Variants in PCK2 observed in about 807,000 individuals in gnomAD.
PCK2 encodes phosphoenolpyruvate carboxykinase 2, mitochondrial.
In PCK2, 56 loss-of-function variants were observed where a neutral mutation model predicts 65.9. The observed-to-expected ratio is 0.85, with a 90% CI of 0.69 to 1.06. The LOEUF (loss-of-function observed/expected upper bound fraction) is 1.06. PCK2 is among the 50% of genes least tolerant of loss of function. PCK2 has a pLI of 0.00. For missense variants in PCK2, 843 were observed against 863.1 expected (o/e 0.98, Z 0.29); for synonymous variants, 305 against 319.6 (o/e 0.95, Z 0.49).
chr14:24,101,747 C>T (rs185014915), intron 7 of PCK2, among the ~76,000 whole-genome samples: 1 of 152,082 alleles, frequency 6.6e-6, no homozygotes, highest in African/African-American at 2.4e-5. Context: ...CATGGCAAAA[C>T]CCCGTCTCCA....
chr14:24,099,506 T>C (rs768537603), intron 5 of PCK2, 52 bp from the exon 6 acceptor site: 69 of 1,518,166 alleles, frequency 4.5e-5, no homozygotes, highest in Middle Eastern at 3.5e-4. Flanking sequence ...ATGCAGACCA[T>C]GCCCTGACTT....
intron 9 of PCK2, 44 bp from the exon 10 acceptor site, chr14:24,103,466 C>CTG (rs778668250): frequency 1.3e-6 from 2 of 1,482,602 alleles, no homozygotes; most frequent in Non-Finnish European, 1.8e-6. Flanking sequence ...CTTCCCTACC[C>CTG]CAGTGAGAAG....
Position 24,096,910 on chromosome 14 carries a change from G to A in PCK2, c.48G>A (p.Leu16=). 6.2e-7 allele frequency: 1 copy of A among 1,613,284 alleles called. No homozygotes were observed. The highest frequency in any genetic ancestry group is 8.5e-7 in the Non-Finnish European group (1 of 1,179,614). Residue 16 remains leucine, a synonymous_variant, in exon 2 of 10, where the codon CTG becomes CTA. Transcript: ENST00000216780. ...RPGLRLNWHG[L]SPLGWPSCRS... is the part of the protein sequence containing the mutation. ...CCTATAGGCTTAACTGGCATGGGCT[G>A]AGCCCCTTGGGCTGGCCATCATGCC... is the stretch of plus-strand genomic sequence containing the variant.
At chr14:24,101,322 G>A (rs887597662) in intron 7 of PCK2, among the ~76,000 whole-genome samples, 11 of 152,164 alleles carry the variant, frequency 7.2e-5, no homozygotes, top group Non-Finnish European at 1.2e-4. Flanking sequence ...CTGCAATGGC[G>A]GGCAGAAGCT....
In PCK2 at chr14:24,098,519, T is replaced by TA; in HGVS notation, c.505_506insA (p.Ser169TyrfsTer12). On this transcript the variant is annotated frameshift_variant, in exon 4 of 10. Transcript: ENST00000216780. LOFTEE classifies it high-confidence loss of function. ...TCCATTCAGCATGGGTCCTGTGGGC[T>TA]CCCCGCTGTCCCGCATCGGGGTGCA... is the stretch of plus-strand genomic sequence containing the variant. 6.2e-7 allele frequency: 1 copy of TA among 1,614,142 alleles called. No individual in the cohort carries two copies. The highest frequency in any genetic ancestry group is 8.5e-7 in the Non-Finnish European group (1 of 1,179,998).
At chr14:24,102,135 G>A (rs1258367420) in intron 7 of PCK2, among the ~76,000 whole-genome samples, 2 of 152,182 alleles carry the variant, frequency 1.3e-5, no homozygotes, top group Non-Finnish European at 2.9e-5. Context: ...GGCTGAGGTA[G>A]GAGAATTGTT....
rs1350287888 is a variant in PCK2, at chr14:24,098,588, A to T, written c.574A>T (p.Thr192Ser). ...AYVVASMRIM[T>S]RLGTPVLQAL... ...TGTGGTGGCAAGCATGCGTATTATGACCCGACTGGGGACACCTGTGCTTCA... is the reference window on the plus strand; with the variant it reads ...TGTGGTGGCAAGCATGCGTATTATGTCCCGACTGGGGACACCTGTGCTTCA... The change falls in exon 4 of 10, where the codon ACC becomes TCC. Residue 192 changes from threonine (T) to serine (S), a missense_variant. Thr to Ser is a moderately conservative substitution (Grantham distance 58). Coordinates refer to ENST00000216780, the MANE Select transcript of PCK2 (RefSeq NM_004563.4). 1 of 1,614,044 alleles carries T rather than the reference A, an allele frequency of 6.2e-7. No homozygotes were observed. Among genetic ancestry groups the T allele is most frequent in the African/African-American group, 1.3e-5 (1 of 75,024 alleles).
Position 24,098,467 on chromosome 14 carries a change from C to T in PCK2, c.461-8C>T. ...AACCCTTCATCCAGGGGATGCCTTC[C>T]TCCACAGGCCGCACCATGTATGTGC... On this transcript the variant is annotated splice_region_variant and splice_polypyrimidine_tract_variant and intron_variant, in intron 3 of 9. Transcript: ENST00000216780. 1 of 1,613,904 alleles carries T rather than the reference C, an allele frequency of 6.2e-7. No individual in the cohort carries two copies. The highest frequency in any genetic ancestry group is 8.5e-7 in the Non-Finnish European group (1 of 1,179,896).
chr14:24,101,995 G>A (rs915700440), intron 7 of PCK2, among the ~76,000 whole-genome samples: 4 of 152,086 alleles, frequency 2.6e-5, no homozygotes, highest in African/African-American at 9.7e-5. Flanking sequence ...GGAGGCCAAG[G>A]TGGGCAGATC....
At position 24,103,950 on chromosome 14, in the gene PCK2, G is replaced by A. The variant is rs1349064294; in HGVS notation, c.1909G>A (p.Val637Met). The A allele has an allele frequency of 1.2e-6, 2 of 1,613,558 alleles. No homozygotes were observed. The highest frequency in any genetic ancestry group is 1.7e-6 in the Non-Finnish European group (2 of 1,179,822). ...TGAGCTTGAGGCCCTGGAGAGACGT[G>A]TGCACAAAATGTGACCTGAGGCCCT... The part of the protein sequence containing the change: ...LAELEALERR[V>M]HKM Residue 637 changes from valine to methionine, a missense_variant, in exon 10 of 10, where the codon GTG becomes ATG. Coordinates refer to ENST00000216780, the MANE Select transcript of PCK2 (RefSeq NM_004563.4).
intron 9 of PCK2, 49 bp from the exon 10 acceptor site, chr14:24,103,461 C>T (rs780079001): frequency 2.0e-6 from 3 of 1,491,852 alleles, no homozygotes; most frequent in Admixed American, 4.1e-5. Context: ...GTGCCCTTCC[C>T]TACCCCAGTG....
In PCK2 at chr14:24,099,183, C is replaced by A. The variant is rs202246749; in HGVS notation, c.799C>A (p.Arg267Ser). The stretch of plus-strand genomic sequence containing the variant: ...GCTGGGCAAGAAGTGCTTTGCCCTA[C>A]GCATCGCCTCTCGGCTGGCCCGGGA... The part of the protein sequence containing the change: ...SLLGKKCFAL[R>S]IASRLARDEG... The change falls in exon 5 of 10, where the codon CGC becomes AGC. Residue 267 changes from arginine (R) to serine (S), a missense_variant. Arg to Ser is a moderately radical substitution (Grantham distance 110, BLOSUM62 -1). Coordinates refer to ENST00000216780, the MANE Select transcript of PCK2 (RefSeq NM_004563.4). 1.2e-6 allele frequency: 2 copies of A among 1,607,302 alleles called. No homozygotes were observed. Among genetic ancestry groups the A allele is most frequent in the Admixed American group, 1.7e-5 (1 of 59,980 alleles).
intron 1 of PCK2, among the ~76,000 whole-genome samples, chr14:24,096,343 A>G (rs1228331225): frequency 7.2e-6 from 1 of 138,224 alleles, no homozygotes; most frequent in Non-Finnish European, 1.5e-5. Flanking sequence ...GGTTCAAGCG[A>G]TTCTCCTGCC....
rs1204449900 is a variant in PCK2, at chr14:24,098,456, G to A, written c.461-19G>A. On this transcript the variant is annotated intron_variant, in intron 3 of 9. Transcript: ENST00000216780. Reference sequence around the variant, plus strand: ...AACAGGTTTGGAACCCTTCATCCAGGGGATGCCTTCCTCCACAGGCCGCAC... The same window carrying A: ...AACAGGTTTGGAACCCTTCATCCAGAGGATGCCTTCCTCCACAGGCCGCAC... 1.2e-6 allele frequency: 2 copies of A among 1,613,754 alleles called. No homozygotes were observed. The highest frequency in any genetic ancestry group is 1.7e-6 in the Non-Finnish European group (2 of 1,179,798).
Position 24,102,757 on chromosome 14 carries a change from C to T in PCK2, c.1239C>T (p.Asp413=), listed in dbSNP as rs374717926. The change falls in exon 8 of 10, where the codon GAC becomes GAT. Residue 413 remains aspartate (D), a synonymous_variant. Coordinates refer to ENST00000216780, the MANE Select transcript of PCK2 (RefSeq NM_004563.4). ...TGTTTGTATTTCCTCTGCCAGGTGA[C>T]AAGGAGCCCTGTGCACATCCCAACT... The part of the protein sequence containing the change: ...SWLGKPWKPG[D]KEPCAHPNSR... 6.2e-7 allele frequency: 1 copy of T among 1,612,926 alleles called. No homozygotes were observed. Among genetic ancestry groups the T allele is most frequent in the Middle Eastern group, 1.6e-4 (1 of 6,072 alleles).
rs371591685 is a variant in PCK2, at chr14:24,102,722, G to A, written c.1235-31G>A. 11 of 1,601,384 alleles carry A rather than the reference G, an allele frequency of 6.9e-6. No individual in the cohort carries two copies. In the African/African-American group the frequency reaches 1.2e-4, roughly 18 times the overall value. ...TGTGTTGGGGGTCGACATGACCTTGGAAATAATAGTGTTTGTATTTCCTCT... is the reference window on the plus strand; with the variant it reads ...TGTGTTGGGGGTCGACATGACCTTGAAAATAATAGTGTTTGTATTTCCTCT... On this transcript the variant is annotated intron_variant, in intron 7 of 9. Transcript: ENST00000216780.
chr14:24,100,794 G>A (rs1190284252), intron 7 of PCK2, among the ~76,000 whole-genome samples: 2 of 152,134 alleles, frequency 1.3e-5, no homozygotes, highest in African/African-American at 4.8e-5. Flanking sequence ...TCCCTCCAAA[G>A]CATTCACCCC....
intron 4 of PCK2, 70 bp from the exon 5 acceptor site, chr14:24,098,979 G>T: frequency 8.1e-7 from 1 of 1,229,614 alleles, no homozygotes; most frequent in African/African-American, 1.5e-5. Flanking sequence ...GCCAATCCCT[G>T]ATCCCTCTGG....
chr14:24,099,440 A>T, intron 5 of PCK2, 118 bp from the exon 6 acceptor site: 1 of 1,078,530 alleles, frequency 9.3e-7, no homozygotes, highest in Non-Finnish European at 1.3e-6. Context: ...CAGGGCAATC[A>T]CTTATATAGT....
Sources: allele counts gnomAD v4.1 joint callset (sites outside exome capture counted in the v4.1 genomes callset), GRCh38; gene constraint gnomAD v4.1.1; transcripts MANE v1.5; gene names NCBI Gene and HGNC (gene_info 2026-07-23, HGNC 2026-07-21).